The following GRM5 variants were observed in gnomAD, a reference collection of about 807,000 sequenced individuals.
GRM5 encodes glutamate metabotropic receptor 5.
Under a neutral mutation model 83.1 loss-of-function variants are expected in GRM5, and 19 were observed. The ratio of observed to expected loss-of-function variants is 0.23; its 90% CI spans 0.16 to 0.34. The LOEUF (loss-of-function observed/expected upper bound fraction) is 0.34, where lower values mean the gene tolerates loss of function less well. Ranked by LOEUF, GRM5 falls within the 10% of genes least tolerant of loss-of-function variation. The probability of loss-of-function intolerance (pLI) is 1.00; values close to 1 mark genes in which losing one functional copy is unlikely to be tolerated. For missense variants in GRM5, 1,160 were observed against 1,588.3 expected (o/e 0.73, Z 4.58); for synonymous variants, 675 against 633.6 (o/e 1.07, Z -0.98).
intron 4 of GRM5, among the ~76,000 whole-genome samples, chr11:88,630,642 G>A (rs1040125792): frequency 1.3e-5 from 2 of 151,322 alleles, no homozygotes; most frequent in African/African-American, 2.4e-5. Context: ...GCAATGGTGC[G>A]ATCTTGGCTC....
At chr11:89,043,518 C>G (rs1485534928) in intron 2 of GRM5, among the ~76,000 whole-genome samples, 4 of 151,810 alleles carry the variant, frequency 2.6e-5, no homozygotes, top group African/African-American at 9.7e-5. Context: ...TTCTTGCCCA[C>G]AGCATATATT....
intron 8 of GRM5, among the ~76,000 whole-genome samples, chr11:88,536,484 T>C (rs1033004447): frequency 1.3e-5 from 2 of 152,190 alleles, no homozygotes; most frequent in African/African-American, 4.8e-5. Context: ...CTCCCTGCCT[T>C]GAGACAGAAT....
At chr11:88,954,169 G>A (rs1046666648) in intron 2 of GRM5, among the ~76,000 whole-genome samples, 1 of 152,158 alleles carries the variant, frequency 6.6e-6, no homozygotes, top group Non-Finnish European at 1.5e-5. Context: ...CTTCCCAGTG[G>A]AAGAGTTGGG....
intron 1 of GRM5, among the ~76,000 whole-genome samples, chr11:89,058,805 C>T (rs780710765): frequency 2.0e-5 from 3 of 151,954 alleles, no homozygotes; most frequent in Non-Finnish European, 4.4e-5. Context: ...ATATACTTCC[C>T]GAATTCAAAG....
intron 3 of GRM5, among the ~76,000 whole-genome samples, chr11:88,787,758 C>A (rs1243703305): frequency 2.0e-5 from 3 of 151,940 alleles, no homozygotes; most frequent in Non-Finnish European, 4.4e-5. Flanking sequence ...AAAAACAAGT[C>A]TTCATTTTCT....
intron 3 of GRM5, among the ~76,000 whole-genome samples, chr11:88,751,658 G>C (rs12276517): frequency 0.64 from 97,387 of 151,742 alleles, 31,969 homozygotes; most frequent in Non-Finnish European, 0.73. Context: ...ACAAAGGAAA[G>C]TTCAGGCCAA....
rs1041128238 is a variant in GRM5 at position 88,997,181 on chromosome 11, G to T, written c.661+50031C>A. 6.7e-4 allele frequency among the ~76,000 whole-genome samples: 102 copies of T among 151,842 alleles called. 1 individual carries two copies. The highest frequency in any genetic ancestry group is 2.4e-3 in the African/African-American group (99 of 41,338). The stretch of plus-strand genomic sequence containing the variant: ...CTCTACTAAAAATACAAAAAAATTA[G>T]CTGGGCTTTGTGGCAGGTGCCTGTA... On this transcript the variant is annotated intron_variant, in intron 2 of 9. Transcript: ENST00000305447.
At chr11:88,837,464 T>C (rs1269811434) in intron 3 of GRM5, among the ~76,000 whole-genome samples, 1 of 152,204 alleles carries the variant, frequency 6.6e-6, no homozygotes, top group African/African-American at 2.4e-5. Flanking sequence ...CTTAGAACAG[T>C]GCTTGTTAAA....
chr11:88,626,199 A>G (rs1041271819), intron 4 of GRM5, among the ~76,000 whole-genome samples: 1 of 152,246 alleles, frequency 6.6e-6, no homozygotes, highest in Non-Finnish European at 1.5e-5. Context: ...CTACTGCTAC[A>G]CACAGCTTTG....
intron 9 of GRM5, among the ~76,000 whole-genome samples, chr11:88,524,813 C>T (rs187501604): frequency 1.4e-3 from 214 of 152,326 alleles, no homozygotes; most frequent in African/African-American, 4.9e-3. Flanking sequence ...GGCATTTGCC[C>T]TTGGCTGTGA....
intron 2 of GRM5, among the ~76,000 whole-genome samples, chr11:88,943,790 T>C (rs894880293): frequency 2.0e-5 from 3 of 151,916 alleles, no homozygotes; most frequent in Non-Finnish European, 4.4e-5. Context: ...TCTCTTTTTG[T>C]TCTAATAAAC....
At chr11:88,558,748 C>T (rs1942684439) in intron 8 of GRM5, among the ~76,000 whole-genome samples, 1 of 146,524 alleles carries the variant, frequency 6.8e-6, no homozygotes, top group Non-Finnish European at 1.5e-5. Flanking sequence ...TTGCAGTGAG[C>T]CCAGATCATA....
chr11:88,716,024 C>T (rs1941392016), intron 3 of GRM5, among the ~76,000 whole-genome samples: 1 of 151,898 alleles, frequency 6.6e-6, no homozygotes, highest in Non-Finnish European at 1.5e-5. Flanking sequence ...CTATGACTTT[C>T]TATCATTACA....
At chr11:88,840,394 C>T (rs1282916254) in intron 3 of GRM5, among the ~76,000 whole-genome samples, 1 of 152,162 alleles carries the variant, frequency 6.6e-6, no homozygotes, top group Admixed American at 6.5e-5. Context: ...CCATCAAAGT[C>T]ATCTTCTGTT....
intron 2 of GRM5, among the ~76,000 whole-genome samples, chr11:88,991,188 C>T (rs900063976): frequency 3.3e-5 from 5 of 151,994 alleles, no homozygotes; most frequent in African/African-American, 1.2e-4. Flanking sequence ...AATCAATGTA[C>T]AAAAATCACA....
intron 2 of GRM5, among the ~76,000 whole-genome samples, chr11:88,851,220 G>T (rs1944385462): frequency 6.6e-6 from 1 of 151,964 alleles, no homozygotes; most frequent in Non-Finnish European, 1.5e-5. Flanking sequence ...ACATTTTAAG[G>T]CTCTATATTT....
chr11:89,021,699 T>A (rs376545638), intron 2 of GRM5, among the ~76,000 whole-genome samples: 85 of 152,294 alleles, frequency 5.6e-4, no homozygotes, highest in African/African-American at 1.7e-3. Flanking sequence ...ATTTTTAGAA[T>A]TGGAAAGAAT....
rs1168927341 is a variant in GRM5, at chr11:89,049,940, T to C, written c.-200-1868A>G. 2.6e-5 allele frequency among the ~76,000 whole-genome samples: 4 copies of C among 152,130 alleles called. No individual in the cohort carries two copies. In the East Asian group the frequency reaches 5.8e-4, roughly 22 times the overall value. ...ATTCTGCTGCAGACAAAAAGAAATA[T>C]CTAAAGTTAAAGAAAGCACAATTTC... On this transcript the variant is annotated intron_variant, in intron 1 of 9. Transcript: ENST00000305447.
rs576722541 is a variant in GRM5 at position 89,038,518 on chromosome 11, C to A, written c.661+8694G>T. ...GTGATGGAGATGTAAATAGAAATAACCAAGCACAGTCTGTGCTTTTCATCA... is the reference window on the plus strand; with the variant it reads ...GTGATGGAGATGTAAATAGAAATAAACAAGCACAGTCTGTGCTTTTCATCA... On this transcript the variant is annotated intron_variant, in intron 2 of 9. Coordinates refer to ENST00000305447, the MANE Select transcript of GRM5 (RefSeq NM_001143831.3). Among the ~76,000 whole-genome samples, 11 of 152,282 alleles carry A rather than the reference C, an allele frequency of 7.2e-5. No individual in the cohort carries two copies. In the South Asian group the frequency reaches 8.3e-4, roughly 11 times the overall value.
Sources: gnomAD v4.1 joint callset for allele counts (sites outside exome capture counted in the v4.1 genomes callset) on GRCh38, gnomAD v4.1.1 for gene constraint, MANE v1.5 for transcripts, NCBI Gene and HGNC (gene_info 2026-07-23, HGNC 2026-07-21) for gene names.